Variants in ADAMTS16 observed in about 807,000 individuals in gnomAD.
ADAMTS16 encodes ADAM metallopeptidase with thrombospondin type 1 motif 16.
Under a neutral mutation model 145.8 loss-of-function variants are expected in ADAMTS16, and 94 were observed. That is an observed-to-expected ratio of 0.64 (90% CI 0.55 to 0.77). The LOEUF (loss-of-function observed/expected upper bound fraction) is 0.77, where lower values mean the gene tolerates loss of function less well. ADAMTS16 is among the 30% of genes least tolerant of loss of function. ADAMTS16 has a pLI of 0.00. For synonymous variants in ADAMTS16, 659 were observed against 604.3 expected (o/e 1.09, Z -1.33); for missense variants, 1,585 against 1,591.5 (o/e 1.00, Z 0.07).
At chr5:5,207,685 T>A (rs1373853739) in intron 9 of ADAMTS16, among the ~76,000 whole-genome samples, 2 of 150,348 alleles carry the variant, frequency 1.3e-5, no homozygotes, top group Admixed American at 6.6e-5. Context: ...TAGATGGAAG[T>A]TCTCCTCTAT....
At position 5,236,986 on chromosome 5, in the gene ADAMTS16, C is replaced by G. The variant is rs757979262; in HGVS notation, c.2041C>G (p.Leu681Val). Residue 681 changes from leucine to valine, a missense_variant, in exon 14 of 23, where the codon CTC (leucine) becomes GTC (valine). Physicochemically the swap from Leu to Val is conservative, Grantham distance 32. Coordinates refer to ENST00000274181, the MANE Select transcript of ADAMTS16 (RefSeq NM_139056.4). ...TTTTTAAGATCAGGACTTATGCAAACTCTACTGTATCGCAGAAGGATTTGA... is the reference window on the plus strand; with the variant it reads ...TTTTTAAGATCAGGACTTATGCAAAGTCTACTGTATCGCAGAAGGATTTGA... ...TQVEDQDLCK[L>V]YCIAEGFDFF... The G allele has an allele frequency of 8.1e-6, 13 of 1,613,138 alleles. No individual in the cohort carries two copies. Among genetic ancestry groups the G allele is most frequent in the Non-Finnish European group, 1.0e-5 (12 of 1,179,748 alleles).
intron 2 of ADAMTS16, among the ~76,000 whole-genome samples, chr5:5,144,330 T>C (rs2126499212): frequency 6.6e-6 from 1 of 152,352 alleles, no homozygotes; most frequent in African/African-American, 2.4e-5. Context: ...AAGGTCACTT[T>C]GGCTTCAGAG....
At chr5:5,301,506 G>A (rs1739767538) in intron 18 of ADAMTS16, among the ~76,000 whole-genome samples, 1 of 152,200 alleles carries the variant, frequency 6.6e-6, no homozygotes, top group South Asian at 2.1e-4. Context: ...TTCATAGAAG[G>A]GATCATAGCG....
chr5:5,246,793 C>T (rs529369250), intron 17 of ADAMTS16, among the ~76,000 whole-genome samples: 4 of 152,218 alleles, frequency 2.6e-5, no homozygotes, highest in African/African-American at 7.2e-5. Flanking sequence ...ATGTGCGAGC[C>T]GCTATGCTGA....
intron 10 of ADAMTS16, among the ~76,000 whole-genome samples, chr5:5,210,037 C>T (rs1368174085): frequency 6.6e-6 from 1 of 152,170 alleles, no homozygotes; most frequent in African/African-American, 2.4e-5. Context: ...GCAGAGCTCC[C>T]CCAAAGATCA....
intron 18 of ADAMTS16, among the ~76,000 whole-genome samples, chr5:5,292,013 G>A (rs1739341494): frequency 2.6e-5 from 4 of 152,188 alleles, no homozygotes; most frequent in Admixed American, 2.6e-4. Flanking sequence ...TTGATGAAAT[G>A]TCAAATTATA....
intron 21 of ADAMTS16, among the ~76,000 whole-genome samples, chr5:5,311,503 G>A (rs990047109): frequency 2.0e-5 from 3 of 150,908 alleles, no homozygotes; most frequent in Admixed American, 6.6e-5. Flanking sequence ...CTGGAGCTCC[G>A]GGTGTGCATG....
chr5:5,241,378 G>C (rs925318970), intron 16 of ADAMTS16, among the ~76,000 whole-genome samples: 3 of 152,164 alleles, frequency 2.0e-5, no homozygotes, highest in Non-Finnish European at 4.4e-5. Flanking sequence ...CCTAAACTAT[G>C]ACTCAGTGAT....
At chr5:5,181,298 T>C (rs534933439) in intron 3 of ADAMTS16, among the ~76,000 whole-genome samples, 1 of 152,206 alleles carries the variant, frequency 6.6e-6, no homozygotes, top group Non-Finnish European at 1.5e-5. Context: ...GAATGTAAGA[T>C]TGCCTGCTTG....
chr5:5,287,939 CAGG>C (rs1469718031), intron 18 of ADAMTS16, among the ~76,000 whole-genome samples: 1 of 152,150 alleles, frequency 6.6e-6, no homozygotes, highest in East Asian at 1.9e-4. Context: ...AGGTTCGCTG[CAGG>C]AGGACACCTG....
At chr5:5,262,855 G>A in intron 18 of ADAMTS16, 72 bp downstream of exon 18, 1 of 1,578,558 alleles carries the variant, frequency 6.3e-7, no homozygotes, top group South Asian at 1.2e-5. Flanking sequence ...TGCAGCTCCT[G>A]ATTTCGAGAG....
chr5:5,191,474 C>T (rs1735661780), intron 7 of ADAMTS16, among the ~76,000 whole-genome samples: 1 of 152,060 alleles, frequency 6.6e-6, no homozygotes, highest in Non-Finnish European at 1.5e-5. Flanking sequence ...AATTGTGTTC[C>T]ACAATACAGA....
chr5:5,218,904 G>C (rs1334134295), intron 10 of ADAMTS16, among the ~76,000 whole-genome samples: 2 of 152,146 alleles, frequency 1.3e-5, no homozygotes, highest in South Asian at 4.1e-4. Context: ...CGGTCTGCTG[G>C]TGTCTGCTGG....
rs540497940 is a variant in ADAMTS16, at chr5:5,182,805, G to T, written c.763+500G>T. Reference sequence around the variant, plus strand: ...AGTCTTTTTTTGTCATGAACATTTAGGAAATGGTTTATTATTTACATTTTT... The same window carrying T: ...AGTCTTTTTTTGTCATGAACATTTATGAAATGGTTTATTATTTACATTTTT... On this transcript the variant is annotated intron_variant, in intron 4 of 22. Coordinates refer to ENST00000274181, the MANE Select transcript of ADAMTS16 (RefSeq NM_139056.4). Among the ~76,000 whole-genome samples the T allele has an allele frequency of 2.3e-3, 345 of 152,190 alleles. 1 individual carries two copies. Among genetic ancestry groups the T allele is most frequent in the African/African-American group, 7.8e-3 (323 of 41,528 alleles).
rs997254505 is a variant in ADAMTS16, at chr5:5,269,377, T to C, written c.2789+6594T>C. Among the ~76,000 whole-genome samples the C allele has an allele frequency of 6.6e-6, 1 of 152,140 alleles. No individual in the cohort carries two copies. The highest frequency in any genetic ancestry group is 2.4e-5 in the African/African-American group (1 of 41,426). Reference sequence around the variant, plus strand: ...ATGCTACCCCCAAAATCCCATGTTATCACTCTAAAAGTGTGGTCACCCAAG... The same window carrying C: ...ATGCTACCCCCAAAATCCCATGTTACCACTCTAAAAGTGTGGTCACCCAAG... On this transcript the variant is annotated intron_variant, in intron 18 of 22. Transcript: ENST00000274181. The surrounding 1 kb of genome is among the most constrained non-coding windows in gnomAD (Gnocchi z 4.3).
intron 2 of ADAMTS16, among the ~76,000 whole-genome samples, chr5:5,144,548 T>C (rs558621052): frequency 8.5e-5 from 13 of 152,336 alleles, no homozygotes; most frequent in African/African-American, 2.6e-4. Context: ...CATGAAAATA[T>C]TTACATAAAC....
chr5:5,200,009 G>T, intron 8 of ADAMTS16, 123 bp from the exon 9 acceptor site: 1 of 1,172,672 alleles, frequency 8.5e-7, no homozygotes, highest in Non-Finnish European at 1.2e-6. Flanking sequence ...TTTTATTTTT[G>T]CCTGCCTAGC....
chr5:5,295,084 T>C (rs1739479051), intron 18 of ADAMTS16, among the ~76,000 whole-genome samples: 1 of 152,230 alleles, frequency 6.6e-6, no homozygotes, highest in South Asian at 2.1e-4. Context: ...TGCTAATTCT[T>C]TTAATTATGG....
chr5:5,273,782 A>G (rs1180224783), intron 18 of ADAMTS16, among the ~76,000 whole-genome samples: 2 of 152,256 alleles, frequency 1.3e-5, no homozygotes, highest in African/African-American at 2.4e-5. Context: ...TCAAGTGATA[A>G]CTATAGACAA....
Sources: gnomAD v4.1 joint callset for allele counts (sites outside exome capture counted in the v4.1 genomes callset) on GRCh38, gnomAD v4.1.1 for gene constraint, Gnocchi (gnomAD v3.1) non-coding constraint, MANE v1.5 for transcripts, NCBI Gene and HGNC (gene_info 2026-07-23, HGNC 2026-07-21) for gene names.